ZNF385D: variants seen among roughly 807,000 people sequenced by gnomAD.
The protein encoded by ZNF385D is zinc finger protein 385D.
Under a neutral mutation model 35.8 loss-of-function variants are expected in ZNF385D, and 15 were observed. That is an observed-to-expected ratio of 0.42 (90% confidence interval 0.28 to 0.64). The LOEUF (loss-of-function observed/expected upper bound fraction) is 0.64, where lower values mean the gene tolerates loss of function less well. ZNF385D is among the 30% of genes least tolerant of loss of function. The probability of loss-of-function intolerance (pLI) is 0.23; values close to 1 mark genes in which losing one functional copy is unlikely to be tolerated. For missense variants in ZNF385D, 474 were observed against 494.6 expected, an observed-to-expected ratio of 0.96 and a Z score of 0.39; for synonymous variants, 212 against 186.8, an observed-to-expected ratio of 1.13 and a Z score of -1.10.
intron 2 of ZNF385D, among the ~76,000 whole-genome samples, chr3:22,188,766 A>T (rs1224107256): frequency 1.3e-5 from 2 of 152,154 alleles, no homozygotes; most frequent in Non-Finnish European, 2.9e-5. Context: ...ATACTTTTTA[A>T]AATATTTTCA....
chr3:21,651,512 A>AT (rs945124026), intron 2 of ZNF385D, among the ~76,000 whole-genome samples: 25 of 146,716 alleles, frequency 1.7e-4, no homozygotes, highest in East Asian at 4.0e-4. Context: ...GCAATGTGGT[A>AT]TTTTTTTTTT....
At chr3:22,030,301 A>ATATC (rs1553591399) in intron 3 of ZNF385D, among the ~76,000 whole-genome samples, 9 of 110,478 alleles carry the variant, frequency 8.1e-5, no homozygotes, top group South Asian at 3.1e-4. Flanking sequence ...ATATATATAT[A>ATATC]TCCTATTTGG....
intron 3 of ZNF385D, among the ~76,000 whole-genome samples, chr3:22,046,172 G>C (rs1463073546): frequency 6.6e-6 from 1 of 152,080 alleles, no homozygotes; most frequent in Admixed American, 6.6e-5. Context: ...TGGCCACTAA[G>C]AGGAAAAAGT....
upstream of ZNF385D, chr3:21,751,389 G>A (rs1190660407): frequency 1.9e-6 from 2 of 1,027,748 alleles, no homozygotes; most frequent in African/African-American, 1.7e-5. Flanking sequence ...AAAGCGAGAA[G>A]AGTGTCGGGA....
chr3:21,675,425 T>A (rs2066695759), intron 1 of ZNF385D, among the ~76,000 whole-genome samples: 1 of 152,044 alleles, frequency 6.6e-6, no homozygotes, highest in Non-Finnish European at 1.5e-5. Flanking sequence ...CTTTTAATAG[T>A]CTAGTGAATA....
At chr3:22,056,316 T>C (rs1364875579) in intron 3 of ZNF385D, among the ~76,000 whole-genome samples, 1 of 143,736 alleles carries the variant, frequency 7.0e-6, no homozygotes, top group Non-Finnish European at 1.5e-5. Context: ...AAATTCAATG[T>C]GATACAGATA....
chr3:21,456,797 T>G (rs1466061419), intron 4 of ZNF385D, among the ~76,000 whole-genome samples: 1 of 152,168 alleles, frequency 6.6e-6, no homozygotes, highest in Non-Finnish European at 1.5e-5. Flanking sequence ...CTGTCTGGAA[T>G]GCTTTTCCCC....
intron 3 of ZNF385D, among the ~76,000 whole-genome samples, chr3:21,880,445 T>A (rs912939401): frequency 6.6e-6 from 1 of 151,982 alleles, no homozygotes; most frequent in African/African-American, 2.4e-5. Context: ...TCCTTAATGT[T>A]ACTATTGTAA....
At chr3:21,938,803 G>C (rs1449388786) in intron 3 of ZNF385D, among the ~76,000 whole-genome samples, 1 of 152,192 alleles carries the variant, frequency 6.6e-6, no homozygotes, top group African/African-American at 2.4e-5. Context: ...ATCCCACAAA[G>C]TCAAGATCAA....
intron 4 of ZNF385D, among the ~76,000 whole-genome samples, chr3:21,456,738 A>AAAAC (rs1702846602): frequency 6.6e-6 from 1 of 151,246 alleles, no homozygotes; most frequent in South Asian, 2.1e-4. Context: ...AGTATAATAA[A>AAAAC]AAATAAATAA....
intron 2 of ZNF385D, among the ~76,000 whole-genome samples, chr3:22,318,258 G>C (rs1457697952): frequency 1.3e-5 from 2 of 152,120 alleles, no homozygotes; most frequent in African/African-American, 4.8e-5. Context: ...CAAGTGGAAA[G>C]AAAGCTTTAA....
chr3:22,124,574 G>T (rs1008853351), intron 3 of ZNF385D, among the ~76,000 whole-genome samples: 1 of 151,890 alleles, frequency 6.6e-6, no homozygotes, highest in African/African-American at 2.4e-5. Context: ...CCACATTCTC[G>T]CCAGAATTCA....
chr3:22,320,006 G>A (rs562103235), intron 2 of ZNF385D, among the ~76,000 whole-genome samples: 1 of 151,690 alleles, frequency 6.6e-6, no homozygotes, highest in South Asian at 2.1e-4. Flanking sequence ...AGTGACCCCT[G>A]CCTTGGACAC....
chr3:21,981,746 G>T (rs1211547495), intron 3 of ZNF385D, among the ~76,000 whole-genome samples: 1 of 152,130 alleles, frequency 6.6e-6, no homozygotes, highest in Non-Finnish European at 1.5e-5. Context: ...TGTGTATGGT[G>T]TATGGAAGGA....
At chr3:21,576,535 T>C (rs1185397537) in intron 2 of ZNF385D, among the ~76,000 whole-genome samples, 3 of 152,226 alleles carry the variant, frequency 2.0e-5, no homozygotes, top group Non-Finnish European at 2.9e-5. Context: ...ATTTGCACTC[T>C]GCTTTTTAAA....
At chr3:21,878,191 G>A (rs1698082893) in intron 3 of ZNF385D, 1 of 151,924 alleles carries the variant, frequency 6.6e-6, no homozygotes, top group African/African-American at 2.4e-5. Context: ...TCTTACACAT[G>A]AGGAAACTAA....
chr3:21,438,094 T>C (rs1198273780), intron 4 of ZNF385D, among the ~76,000 whole-genome samples: 3 of 152,292 alleles, frequency 2.0e-5, no homozygotes, highest in Admixed American at 6.5e-5. Context: ...AAAACTACCC[T>C]GTCTTAACTT....
chr3:22,228,525 A>C, intron 2 of ZNF385D, among the ~76,000 whole-genome samples: 1 of 152,322 alleles, frequency 6.6e-6, no homozygotes, highest in East Asian at 1.9e-4. Flanking sequence ...TAATCCAGGG[A>C]ATAAAAGCTT....
At chr3:22,090,864 T>C (rs1559361374) in intron 3 of ZNF385D, among the ~76,000 whole-genome samples, 1 of 152,146 alleles carries the variant, frequency 6.6e-6, no homozygotes, top group African/African-American at 2.4e-5. Context: ...AATCTTGTAA[T>C]AACCTCACCT....
Sources: gnomAD v4.1 joint callset for allele counts (sites outside exome capture counted in the v4.1 genomes callset) on GRCh38, gnomAD v4.1.1 for gene constraint, MANE v1.5 for transcripts, NCBI Gene and HGNC (gene_info 2026-07-23, HGNC 2026-07-21) for gene names.